Variants in SPIDR observed in about 807,000 individuals in gnomAD.
The protein encoded by SPIDR is scaffold protein involved in DNA repair.
A neutral mutation model predicts 104.6 loss-of-function variants in SPIDR; 93 were observed. The ratio of observed to expected loss-of-function variants is 0.89; its 90% confidence interval spans 0.75 to 1.06. The LOEUF is 1.06. Among genes scored for constraint, SPIDR ranks in the 50% least tolerant of loss-of-function variants. The probability of loss-of-function intolerance (pLI) is 0.00; values close to 1 mark genes in which losing one functional copy is unlikely to be tolerated. For missense variants in SPIDR, 1,154 were observed against 1,111.2 expected, an observed-to-expected ratio of 1.04 and a Z score of -0.55; for synonymous variants, 431 against 416.9, an observed-to-expected ratio of 1.03 and a Z score of -0.41.
intron 8 of SPIDR, among the ~76,000 whole-genome samples, chr8:47,591,310 T>C (rs1425865620): frequency 6.6e-5 from 10 of 151,788 alleles, no homozygotes; most frequent in Non-Finnish European, 1.3e-4. Context: ...ATAGATATTT[T>C]ATTGCTTGCT....
chr8:47,427,176 C>G (rs2066545753), intron 7 of SPIDR, among the ~76,000 whole-genome samples: 1 of 151,484 alleles, frequency 6.6e-6, no homozygotes, highest in Admixed American at 6.6e-5. Context: ...TGCTTTTAGA[C>G]TTTCTTCACA....
Position 47,549,420 on chromosome 8 carries a change from G to C in SPIDR, c.1098-46391G>C, listed in dbSNP as rs547891051. ...AAGTGTTCCTATTTCTGCACATCCT[G>C]TCCAGCACCTGTTGTTTCCTGACTT... On this transcript the variant is annotated intron_variant, in intron 8 of 19. Coordinates refer to ENST00000297423, the MANE Select transcript of SPIDR (RefSeq NM_001080394.4). Among the ~76,000 whole-genome samples, 422 of 152,200 alleles carry C rather than the reference G, an allele frequency of 2.8e-3. 1 individual carries two copies. Among genetic ancestry groups the C allele is most frequent in the African/African-American group, 9.9e-3 (411 of 41,546 alleles).
At chr8:47,669,842 A>C (rs2075556710) in intron 10 of SPIDR, among the ~76,000 whole-genome samples, 3 of 152,286 alleles carry the variant, frequency 2.0e-5, no homozygotes, top group Admixed American at 2.0e-4. Context: ...TCTACTAAAA[A>C]TACAAAAATT....
chr8:47,548,746 T>C (rs2089935314), intron 8 of SPIDR, among the ~76,000 whole-genome samples: 1 of 152,254 alleles, frequency 6.6e-6, no homozygotes, highest in East Asian at 1.9e-4. Flanking sequence ...TGTGTTTGAA[T>C]ATCCTCATTC....
chr8:47,430,609 C>T (rs534303970), intron 7 of SPIDR, among the ~76,000 whole-genome samples: 1 of 152,254 alleles, frequency 6.6e-6, no homozygotes, highest in South Asian at 2.1e-4. Context: ...TCCTGGCATT[C>T]CACAGGATGG....
chr8:47,538,450 G>A (rs182409009), intron 8 of SPIDR, among the ~76,000 whole-genome samples: 5 of 150,308 alleles, frequency 3.3e-5, no homozygotes, highest in African/African-American at 9.8e-5. Flanking sequence ...AGGCTGAGGC[G>A]AGAGAATTGC....
intron 10 of SPIDR, among the ~76,000 whole-genome samples, chr8:47,617,383 G>C (rs2064478414): frequency 6.6e-6 from 1 of 152,184 alleles, no homozygotes; most frequent in African/African-American, 2.4e-5. Flanking sequence ...CTAAATTTCT[G>C]AGTAGTCTTT....
intron 5 of SPIDR, chr8:47,357,900 TAAG>T (rs1554626877): frequency 2.0e-6 from 2 of 980,594 alleles, no homozygotes; most frequent in Non-Finnish European, 2.4e-6. Flanking sequence ...GAGCATTAAA[TAAG>T]AAGTACTCAC....
At chr8:47,300,697 C>T (rs932797365) in intron 5 of SPIDR, among the ~76,000 whole-genome samples, 7 of 152,156 alleles carry the variant, frequency 4.6e-5, no homozygotes, top group Admixed American at 1.3e-4. Context: ...GCCTTCATTT[C>T]GTTATGTACC....
At chr8:47,443,446 C>A (rs1212037479) in intron 8 of SPIDR, among the ~76,000 whole-genome samples, 1 of 151,594 alleles carries the variant, frequency 6.6e-6, no homozygotes, top group South Asian at 2.1e-4. Context: ...TGGTGCGTGC[C>A]TGTGGTCCCA....
At chr8:47,428,530 T>G (rs1227846200) in intron 7 of SPIDR, among the ~76,000 whole-genome samples, 1 of 152,242 alleles carries the variant, frequency 6.6e-6, no homozygotes, top group Non-Finnish European at 1.5e-5. Context: ...AGCTGCTTAT[T>G]TAGCCAATTC....
At chr8:47,388,652 C>T (rs1354397807) in intron 5 of SPIDR, among the ~76,000 whole-genome samples, 1 of 152,222 alleles carries the variant, frequency 6.6e-6, no homozygotes. Context: ...CCAATCAGCT[C>T]TGACCCCTGA....
At chr8:47,481,904 G>C (rs1735424417) in intron 8 of SPIDR, among the ~76,000 whole-genome samples, 1 of 152,222 alleles carries the variant, frequency 6.6e-6, no homozygotes, top group South Asian at 2.1e-4. Flanking sequence ...GTAGTGATCT[G>C]CCTTCAATTG....
chr8:47,626,901 G>C (rs1264838680), intron 10 of SPIDR, among the ~76,000 whole-genome samples: 1 of 152,104 alleles, frequency 6.6e-6, no homozygotes, highest in Non-Finnish European at 1.5e-5. Flanking sequence ...TATACCCAAA[G>C]GATTATAAAT....
chr8:47,481,494 A>C (rs2154361831), intron 8 of SPIDR, among the ~76,000 whole-genome samples: 1 of 152,288 alleles, frequency 6.6e-6, no homozygotes, highest in Middle Eastern at 3.4e-3. Context: ...TAGAAAAATT[A>C]GCAAGGCAGG....
chr8:47,366,742 T>A (rs1266875552), intron 5 of SPIDR, among the ~76,000 whole-genome samples: 6 of 152,214 alleles, frequency 3.9e-5, no homozygotes, highest in African/African-American at 1.2e-4. Flanking sequence ...TTTAAGTGCG[T>A]CTTGGGTATT....
At chr8:47,420,999 C>T (rs1212197743) in intron 7 of SPIDR, among the ~76,000 whole-genome samples, 4 of 152,224 alleles carry the variant, frequency 2.6e-5, no homozygotes, top group Admixed American at 2.0e-4. Context: ...TGATGGGCTT[C>T]ACTTTGTGGG....
At chr8:47,439,550 C>G (rs2068995849) in intron 7 of SPIDR, among the ~76,000 whole-genome samples, 1 of 152,170 alleles carries the variant, frequency 6.6e-6, no homozygotes, top group Non-Finnish European at 1.5e-5. Context: ...ATAAACAACG[C>G]TGAGATGTGT....
intron 10 of SPIDR, among the ~76,000 whole-genome samples, chr8:47,644,162 T>C (rs942846915): frequency 4.6e-5 from 7 of 152,170 alleles, no homozygotes; most frequent in African/African-American, 1.7e-4. Flanking sequence ...TTTAGCCACA[T>C]GGCCAAGCCA....
Sources: gnomAD v4.1 joint callset for allele counts (sites outside exome capture counted in the v4.1 genomes callset) on GRCh38, gnomAD v4.1.1 for gene constraint, MANE v1.5 for transcripts, NCBI Gene and HGNC (gene_info 2026-07-23, HGNC 2026-07-21) for gene names.